The following ABCC11 variants were observed in gnomAD, a reference collection of about 807,000 sequenced individuals.
The protein encoded by ABCC11 is ATP-binding cassette sub-family C member 11.
Under a neutral mutation model 149.3 loss-of-function variants are expected in ABCC11, and 135 were observed. The ratio of observed to expected loss-of-function variants is 0.90; its 90% CI spans 0.79 to 1.04. The LOEUF is 1.04. Ranked by LOEUF, ABCC11 falls within the 50% of genes least tolerant of loss-of-function variation. ABCC11 has a pLI of 0.00. For missense variants in ABCC11, 1,680 were observed against 1,722.1 expected (o/e 0.98, Z 0.43); for synonymous variants, 665 against 671.4 (o/e 0.99, Z 0.15).
chr16:48,232,071 G>A (rs1970455392), intron 1 of ABCC11, 132 bp from the exon 2 acceptor site: 1 of 1,452,470 alleles, frequency 6.9e-7, no homozygotes, highest in African/African-American at 1.4e-5. Context: ...AGGTTTGGGT[G>A]CCTGCTCTTT....
Position 48,216,226 on chromosome 16 carries a change from AG to A in ABCC11, c.838del (p.Leu280Ter). ...YLFEGVCYGP[L>X]VLITCASLVI... The stretch of plus-strand genomic sequence containing the variant: ...CAGCGATGCGCAGGTGATCAGTACT[AG>A]GGGTCCATAGCACACCCCTTCAAAC... On this transcript the variant is annotated frameshift_variant, in exon 7 of 30. Coordinates refer to ENST00000356608, the MANE Select transcript of ABCC11 (RefSeq NM_001370497.1). LOFTEE classifies it high-confidence loss of function. The A allele has an allele frequency of 6.2e-7, 1 of 1,614,166 alleles. No individual in the cohort carries two copies. The highest frequency in any genetic ancestry group is 1.7e-5 in the Admixed American group (1 of 60,030).
At chr16:48,175,161 C>A in intron 26 of ABCC11, 97 bp downstream of exon 26, 1 of 1,455,286 alleles carries the variant, frequency 6.9e-7, no homozygotes, top group Non-Finnish European at 9.2e-7. Context: ...GCCTGGAAAT[C>A]GGGGCATTGG....
intron 26 of ABCC11, among the ~76,000 whole-genome samples, chr16:48,171,230 T>G (rs1054275438): frequency 2.0e-5 from 3 of 152,208 alleles, no homozygotes; most frequent in African/African-American, 7.2e-5. Context: ...CATCCACTCC[T>G]GATGGAGCAA....
chr16:48,186,609 G>C (rs1966760323), intron 22 of ABCC11, among the ~76,000 whole-genome samples: 1 of 152,202 alleles, frequency 6.6e-6, no homozygotes, highest in Non-Finnish European at 1.5e-5. Context: ...TTTTGTTAAA[G>C]ATAGATATTT....
Position 48,178,598 on chromosome 16 carries a change from T to A in ABCC11, c.3347A>T (p.Lys1116Met), listed in dbSNP as rs748304146. 2 of 1,614,054 alleles carry A rather than the reference T, an allele frequency of 1.2e-6. No homozygotes were observed. Among genetic ancestry groups the A allele is most frequent in the South Asian group, 1.1e-5 (1 of 91,082 alleles). The change falls in exon 24 of 30, where the codon AAG (lysine) becomes ATG (methionine). Residue 1116 changes from lysine to methionine, a missense_variant and splice_region_variant. Coordinates refer to ENST00000356608, the MANE Select transcript of ABCC11 (RefSeq NM_001370497.1). ...ACCAGACCCAGACCTGAACCCCACC[T>A]TCATGTACTGCAGTATCCTCTCTAC... ...TAVERILQYM[K>M]MCVSEAPLHM...
At chr16:48,244,540 C>G in intron 1 of ABCC11, 3 of 1,563,908 alleles carry the variant, frequency 1.9e-6, no homozygotes, top group Non-Finnish European at 1.7e-6. Flanking sequence ...AAGGGCACGT[C>G]GCTGCAAAGC....
At chr16:48,227,734 G>A in intron 4 of ABCC11, 72 bp downstream of exon 4, 2 of 1,594,754 alleles carry the variant, frequency 1.3e-6, no homozygotes, top group Non-Finnish European at 1.7e-6. Flanking sequence ...CCACCCTTAG[G>A]CATCTCTGGT....
chr16:48,244,439 C>G, intron 1 of ABCC11: 1 of 1,594,466 alleles, frequency 6.3e-7, no homozygotes, highest in Non-Finnish European at 8.5e-7. Context: ...CGCTGCTGCT[C>G]ACCCACGAGG....
chr16:48,231,677 G>T, intron 2 of ABCC11, 146 bp downstream of exon 2: 6 of 528,882 alleles, frequency 1.1e-5, no homozygotes, highest in Non-Finnish European at 1.3e-5. Context: ...AAAAAAAAAA[G>T]AGAGAGAGAG....
At position 48,191,235 on chromosome 16, in the gene ABCC11, G is replaced by A. The variant is rs1404142370; in HGVS notation, c.2706+1285C>T. On this transcript the variant is annotated intron_variant, in intron 20 of 29. Coordinates refer to ENST00000356608, the MANE Select transcript of ABCC11 (RefSeq NM_001370497.1). ...CAAATGTCCCACGTTAATGCAAGAT[G>A]TTAAGAATAAGAGAAATGGGCCAGG... 2.0e-5 allele frequency among the ~76,000 whole-genome samples: 3 copies of A among 152,156 alleles called. No homozygotes were observed. The East Asian group carries it at 5.8e-4, about 29-fold the overall frequency.
Position 48,198,064 on chromosome 16 carries a change from T to C in ABCC11, c.2221A>G (p.Met741Val), listed in dbSNP as rs749466564. 3.7e-6 allele frequency: 6 copies of C among 1,614,232 alleles called. No individual in the cohort carries two copies. Among genetic ancestry groups the C allele is most frequent in the Non-Finnish European group, 5.1e-6 (6 of 1,180,038 alleles). ...QKMHKEATSD[M>V]LQDTAKIAEK... ...GCTATCTTTGCTGTGTCCTGCAACATGTCCTGGGGAGAGAGCACAGGCCCT... is the reference window on the plus strand; with the variant it reads ...GCTATCTTTGCTGTGTCCTGCAACACGTCCTGGGGAGAGAGCACAGGCCCT... The change falls in exon 17 of 30, where the codon ATG (methionine) becomes GTG (valine). Residue 741 changes from methionine to valine, a missense_variant. By Grantham distance (21) the Met-to-Val change is conservative (BLOSUM62 1). Coordinates refer to ENST00000356608, the MANE Select transcript of ABCC11 (RefSeq NM_001370497.1).
In ABCC11 at chr16:48,199,887, G is replaced by A. The variant is rs558004236; in HGVS notation, c.2082+389C>T. Among the ~76,000 whole-genome samples the A allele has an allele frequency of 2.6e-5, 4 of 151,798 alleles. No individual in the cohort carries two copies. In the East Asian group the frequency reaches 7.8e-4, roughly 30 times the overall value. On this transcript the variant is annotated intron_variant, in intron 15 of 29. Coordinates refer to ENST00000356608, the MANE Select transcript of ABCC11 (RefSeq NM_001370497.1). ...TGGGAGGTCTCTCTACGTTGCCCAG[G>A]CTGGTCTTGAACTCCTGGTCTCAAG...
chr16:48,219,530 G>A (rs1391695449), intron 6 of ABCC11, among the ~76,000 whole-genome samples: 1 of 151,996 alleles, frequency 6.6e-6, no homozygotes, highest in Non-Finnish European at 1.5e-5. Flanking sequence ...CTAATCTCTG[G>A]GCACAGGGGA....
intron 9 of ABCC11, 73 bp downstream of exon 9, chr16:48,214,808 C>A (rs1459371374): frequency 1.3e-6 from 2 of 1,578,880 alleles, no homozygotes; most frequent in East Asian, 2.2e-5. Flanking sequence ...CTTTGAGGGG[C>A]ATGGCTAAAA....
chr16:48,238,329 C>T (rs2150934686), intron 1 of ABCC11, among the ~76,000 whole-genome samples: 1 of 152,334 alleles, frequency 6.6e-6, no homozygotes, highest in East Asian at 1.9e-4. Flanking sequence ...CTACCTCATA[C>T]TCAGATGTCT....
intron 1 of ABCC11, among the ~76,000 whole-genome samples, chr16:48,241,096 G>C (rs1212049053): frequency 6.6e-6 from 1 of 151,932 alleles, no homozygotes; most frequent in Non-Finnish European, 1.5e-5. Context: ...CACCACACCT[G>C]GCTAATTTTC....
chr16:48,222,591 T>C lies in ABCC11; in HGVS notation c.777+7A>G. On this transcript the variant is annotated splice_region_variant and intron_variant, in intron 6 of 29. Coordinates refer to ENST00000356608, the MANE Select transcript of ABCC11 (RefSeq NM_001370497.1). ...ATGGCCCAGAATAGGCAGTCCCAGC[T>C]GCTTACCTCTCCTGAGGTGATGTGT... 7 of 1,612,024 alleles carry C rather than the reference T, an allele frequency of 4.3e-6. No individual in the cohort carries two copies. Among genetic ancestry groups the C allele is most frequent in the Non-Finnish European group, 3.4e-6 (4 of 1,178,066 alleles).
At chr16:48,227,733 G>A (rs916922436) in intron 4 of ABCC11, 73 bp downstream of exon 4, 55 of 1,596,070 alleles carry the variant, frequency 3.4e-5, no homozygotes, top group Non-Finnish European at 4.5e-5. Context: ...ACCACCCTTA[G>A]GCATCTCTGG....
chr16:48,234,832 G>T (rs1392265945), intron 1 of ABCC11, among the ~76,000 whole-genome samples: 2 of 152,154 alleles, frequency 1.3e-5, no homozygotes, highest in Non-Finnish European at 2.9e-5. Context: ...CCAAGATCCA[G>T]CTGGCTTGCA....
Sources: allele counts gnomAD v4.1 joint callset (sites outside exome capture counted in the v4.1 genomes callset), GRCh38; gene constraint gnomAD v4.1.1; transcripts MANE v1.5; gene names NCBI Gene and HGNC (gene_info 2026-07-23, HGNC 2026-07-21).